Variants in CYRIB observed in about 807,000 individuals in gnomAD.
The protein encoded by CYRIB is CYFIP related Rac1 interactor B.
Under a neutral mutation model 44.2 loss-of-function variants are expected in CYRIB, and 8 were observed. The ratio of observed to expected loss-of-function variants is 0.18; its 90% CI spans 0.11 to 0.33. CYRIB has a LOEUF of 0.33. CYRIB is among the 10% of genes least tolerant of loss of function. The probability of loss-of-function intolerance (pLI) is 1.00; values close to 1 mark genes in which losing one functional copy is unlikely to be tolerated. For synonymous variants in CYRIB, 131 were observed against 127.2 expected, an observed-to-expected ratio of 1.03 and a Z score of -0.20; for missense variants, 185 against 382.8, an observed-to-expected ratio of 0.48 and a Z score of 4.31.
intron 1 of CYRIB, among the ~76,000 whole-genome samples, chr8:129,999,127 G>GT (rs2096849535): frequency 6.6e-6 from 1 of 151,686 alleles, no homozygotes; most frequent in East Asian, 1.9e-4. Flanking sequence ...TGAGAATAAC[G>GT]TGGGGGGGGT....
intron 6 of CYRIB, among the ~76,000 whole-genome samples, chr8:129,855,029 A>AT (rs1193478179): frequency 6.6e-6 from 1 of 152,212 alleles, no homozygotes; most frequent in Non-Finnish European, 1.5e-5. Flanking sequence ...TTTTAGCAAC[A>AT]TTTTAATATA....
chr8:129,881,651 G>A (rs1465528597), intron 2 of CYRIB, among the ~76,000 whole-genome samples: 1 of 152,164 alleles, frequency 6.6e-6, no homozygotes, highest in Non-Finnish European at 1.5e-5. Flanking sequence ...TTCATATATG[G>A]TAAGTACTGA....
chr8:129,900,084 G>A (rs1380420782), intron 2 of CYRIB, among the ~76,000 whole-genome samples: 1 of 152,168 alleles, frequency 6.6e-6, no homozygotes, highest in Admixed American at 6.5e-5. Flanking sequence ...GAAAATCTGA[G>A]CCCAGACTAA....
chr8:129,911,238 TAAAATTA>T (rs972910904), intron 1 of CYRIB, among the ~76,000 whole-genome samples: 1 of 152,174 alleles, frequency 6.6e-6, no homozygotes, highest in Admixed American at 6.5e-5. Flanking sequence ...CCTAATAGGT[TAAAATTA>T]AACCCTTTTC....
upstream of CYRIB, among the ~76,000 whole-genome samples, chr8:129,944,782 C>CAA (rs753047039): frequency 2.2e-5 from 3 of 138,656 alleles, no homozygotes; most frequent in African/African-American, 8.0e-5. Flanking sequence ...GACTCTGTCT[C>CAA]AAAAAAAAAA....
At chr8:129,975,295 C>A (rs1204007066) in intron 1 of CYRIB, among the ~76,000 whole-genome samples, 1 of 152,164 alleles carries the variant, frequency 6.6e-6, no homozygotes, top group Non-Finnish European at 1.5e-5. Context: ...GGATTACAGG[C>A]GTGAGCCACT....
intron 3 of CYRIB, among the ~76,000 whole-genome samples, chr8:129,878,385 T>G (rs2133832955): frequency 6.6e-6 from 1 of 152,356 alleles, no homozygotes; most frequent in South Asian, 2.1e-4. Context: ...TTGTAAAAAC[T>G]AAATTGAAGT....
At chr8:129,854,614 AAAAC>A (rs1274987648) in intron 6 of CYRIB, among the ~76,000 whole-genome samples, 1 of 152,252 alleles carries the variant, frequency 6.6e-6, no homozygotes, top group African/African-American at 2.4e-5. Flanking sequence ...CAAATAAACA[AAAAC>A]AAAAAGGACT....
intron 1 of CYRIB, among the ~76,000 whole-genome samples, chr8:129,907,687 C>G (rs1589375764): frequency 6.6e-6 from 1 of 152,144 alleles, no homozygotes; most frequent in Non-Finnish European, 1.5e-5. Context: ...ATGTTTACAG[C>G]TCTGTAGTAT....
chr8:129,905,120 T>G (rs138983239), intron 1 of CYRIB, among the ~76,000 whole-genome samples: 2 of 152,304 alleles, frequency 1.3e-5, no homozygotes, highest in East Asian at 1.9e-4. Flanking sequence ...CAACTTCTGC[T>G]CCAGAACCTC....
chr8:129,967,849 C>T (rs1052231807), intron 2 of CYRIB, among the ~76,000 whole-genome samples: 21 of 152,160 alleles, frequency 1.4e-4, no homozygotes, highest in African/African-American at 3.9e-4. Context: ...CTAATCCTTA[C>T]GTCTTCTAAT....
chr8:129,952,712 G>A (rs185196646), intron 2 of CYRIB, among the ~76,000 whole-genome samples: 14 of 152,226 alleles, frequency 9.2e-5, no homozygotes, highest in Admixed American at 8.5e-4. Context: ...AGGAAAGATA[G>A]GAGGGGCCAA....
At chr8:129,921,339 C>G (rs2083448966) in intron 1 of CYRIB, among the ~76,000 whole-genome samples, 1 of 152,164 alleles carries the variant, frequency 6.6e-6, no homozygotes. Context: ...TTGATAATAA[C>G]TAATAGCTAT....
intron 1 of CYRIB, among the ~76,000 whole-genome samples, chr8:129,994,452 G>C (rs1483807124): frequency 6.6e-6 from 1 of 152,234 alleles, no homozygotes; most frequent in Admixed American, 6.5e-5. Flanking sequence ...CTTTATCTTT[G>C]TATGCCTGTG....
intron 2 of CYRIB, among the ~76,000 whole-genome samples, chr8:129,956,563 T>G (rs2094847578): frequency 6.6e-6 from 1 of 150,958 alleles, no homozygotes; most frequent in Non-Finnish European, 1.5e-5. Context: ...ACACACCTGC[T>G]CCCAAGTTCC....
At chr8:129,994,128 T>C (rs758187448) in intron 1 of CYRIB, among the ~76,000 whole-genome samples, 8 of 152,134 alleles carry the variant, frequency 5.3e-5, no homozygotes, top group Non-Finnish European at 1.2e-4. Flanking sequence ...CATGTGATCA[T>C]AGAGGAGTAG....
chr8:129,927,818 A>G (rs931321361), intron 1 of CYRIB, among the ~76,000 whole-genome samples: 2 of 152,256 alleles, frequency 1.3e-5, no homozygotes, highest in South Asian at 2.1e-4. Context: ...TCAATGAAAC[A>G]GAAATAAAAG....
intron 1 of CYRIB, among the ~76,000 whole-genome samples, chr8:129,934,451 G>A (rs1256603865): frequency 6.6e-6 from 1 of 152,056 alleles, no homozygotes; most frequent in East Asian, 1.9e-4. Flanking sequence ...ATCATGATAG[G>A]TCATAATATA....
At chr8:130,011,696 G>T (rs1199988647) in intron 1 of CYRIB, among the ~76,000 whole-genome samples, 1 of 151,752 alleles carries the variant, frequency 6.6e-6, no homozygotes, top group African/African-American at 2.4e-5. Flanking sequence ...AGCCAGGCAT[G>T]GTGGCGGGTG....
Sources: allele counts gnomAD v4.1 joint callset (sites outside exome capture counted in the v4.1 genomes callset), GRCh38; gene constraint gnomAD v4.1.1; transcripts MANE v1.5; gene names NCBI Gene and HGNC (gene_info 2026-07-23, HGNC 2026-07-21).